The following GPC6 variants were observed in gnomAD, a reference collection of about 807,000 sequenced individuals.
The protein encoded by GPC6 is glypican 6, also known as glypican-6.
GPC6 carries 14 observed loss-of-function variants against 55.2 expected under a neutral mutation model. The ratio of observed to expected loss-of-function variants is 0.25; its 90% CI spans 0.17 to 0.40. The LOEUF is 0.40. GPC6 is among the 10% of genes least tolerant of loss of function. The pLI, the probability that GPC6 is intolerant of heterozygous loss-of-function variation, is 1.00. For synonymous variants in GPC6, 278 were observed against 259.6 expected (o/e 1.07, Z -0.68); for missense variants, 641 against 708.5 (o/e 0.90, Z 1.08).
intron 4 of GPC6, among the ~76,000 whole-genome samples, chr13:94,091,559 A>G (rs1885480163): frequency 6.6e-6 from 1 of 152,178 alleles, no homozygotes; most frequent in African/African-American, 2.4e-5. Flanking sequence ...AAGAAACCAC[A>G]CAACAAACTT....
intron 4 of GPC6, among the ~76,000 whole-genome samples, chr13:94,148,922 T>C (rs923128888): frequency 2.0e-5 from 3 of 151,938 alleles, no homozygotes; most frequent in Non-Finnish European, 4.4e-5. Context: ...TCAATGGAGA[T>C]GATATGTGAG....
intron 3 of GPC6, among the ~76,000 whole-genome samples, chr13:93,911,516 A>T (rs995725945): frequency 2.0e-5 from 3 of 152,182 alleles, no homozygotes; most frequent in Non-Finnish European, 4.4e-5. Context: ...TGATATTGAG[A>T]TATAAACAGG....
At chr13:93,443,758 T>C (rs1327051024) in intron 1 of GPC6, among the ~76,000 whole-genome samples, 1 of 152,202 alleles carries the variant, frequency 6.6e-6, no homozygotes, top group African/African-American at 2.4e-5. Flanking sequence ...AGGTTAGAAA[T>C]CTAGGACTGA....
At chr13:93,804,125 A>G (rs908259989) in intron 2 of GPC6, among the ~76,000 whole-genome samples, 1 of 152,176 alleles carries the variant, frequency 6.6e-6, no homozygotes, top group African/African-American at 2.4e-5. Flanking sequence ...AAGGCATAGC[A>G]TAAATTGATT....
intron 2 of GPC6, among the ~76,000 whole-genome samples, chr13:93,744,708 C>T (rs190889079): frequency 8.6e-5 from 13 of 151,112 alleles, no homozygotes; most frequent in East Asian, 3.9e-4. Flanking sequence ...GGGAGGCTGA[C>T]GCAGGTGGAT....
chr13:93,390,960 T>C (rs1478369352), intron 1 of GPC6, among the ~76,000 whole-genome samples: 1 of 152,012 alleles, frequency 6.6e-6, no homozygotes, highest in Non-Finnish European at 1.5e-5. Context: ...TGAGATCTTT[T>C]TGTGGCTACT....
chr13:93,470,543 G>A (rs1879073348), intron 1 of GPC6, among the ~76,000 whole-genome samples: 1 of 151,984 alleles, frequency 6.6e-6, no homozygotes, highest in African/African-American at 2.4e-5. Context: ...AGGATTTTTT[G>A]CACTTGTGTG....
intron 1 of GPC6, among the ~76,000 whole-genome samples, chr13:93,271,867 A>G (rs544102725): frequency 1.3e-5 from 2 of 152,292 alleles, no homozygotes; most frequent in Non-Finnish European, 2.9e-5. Context: ...AAATTTAATT[A>G]TAGTGCTTTT....
At chr13:94,198,435 T>A (rs1889649660) in intron 4 of GPC6, among the ~76,000 whole-genome samples, 1 of 152,180 alleles carries the variant, frequency 6.6e-6, no homozygotes, top group Non-Finnish European at 1.5e-5. Context: ...TTGGTAAAAT[T>A]AGCAAACAGA....
At chr13:93,362,787 C>T (rs7999261) in intron 1 of GPC6, among the ~76,000 whole-genome samples, 3,176 of 152,170 alleles carry the variant, frequency 0.021, 99 homozygotes, top group African/African-American at 0.072. Context: ...AACTGTGGTA[C>T]ATTTTGTCCT....
chr13:93,802,038 G>T (rs899315162), intron 2 of GPC6, among the ~76,000 whole-genome samples: 3 of 152,080 alleles, frequency 2.0e-5, no homozygotes, highest in Non-Finnish European at 4.4e-5. Context: ...CCCCCTTTGA[G>T]TAGGTATTTA....
At chr13:94,316,917 TC>T in intron 6 of GPC6, among the ~76,000 whole-genome samples, 1 of 152,344 alleles carries the variant, frequency 6.6e-6, no homozygotes, top group Middle Eastern at 3.4e-3. Flanking sequence ...CTGCAGCAAA[TC>T]AAATTGTTCT....
chr13:93,512,662 T>G (rs1404714765), intron 1 of GPC6, among the ~76,000 whole-genome samples: 2 of 152,098 alleles, frequency 1.3e-5, no homozygotes, highest in African/African-American at 4.8e-5. Flanking sequence ...ATCAGGGTGA[T>G]GCTGGCCTCA....
At chr13:93,842,861 T>G (rs568777036) in intron 3 of GPC6, among the ~76,000 whole-genome samples, 1 of 152,178 alleles carries the variant, frequency 6.6e-6, no homozygotes, top group South Asian at 2.1e-4. Flanking sequence ...AATCAATATG[T>G]GTGTTCATCT....
intron 2 of GPC6, among the ~76,000 whole-genome samples, chr13:93,695,778 AT>A (rs141809644): frequency 4.6e-5 from 7 of 152,260 alleles, no homozygotes; most frequent in Non-Finnish European, 1.0e-4. Flanking sequence ...GCTCAAAGGC[AT>A]TTTGGAGGTG....
At chr13:94,357,496 A>G (rs1878856139) in intron 6 of GPC6, among the ~76,000 whole-genome samples, 3 of 152,222 alleles carry the variant, frequency 2.0e-5, no homozygotes, top group African/African-American at 7.2e-5. Flanking sequence ...CCTGTAAGAT[A>G]CAGCGTGAAC....
chr13:93,489,018 TG>T (rs922224204), intron 1 of GPC6, among the ~76,000 whole-genome samples: 19 of 151,688 alleles, frequency 1.3e-4, no homozygotes, highest in African/African-American at 4.6e-4. Context: ...CCATTGCTCT[TG>T]GTGTTTTAGT....
chr13:94,133,860 G>A (rs1887092101), intron 4 of GPC6, among the ~76,000 whole-genome samples: 1 of 152,066 alleles, frequency 6.6e-6, no homozygotes, highest in Admixed American at 6.6e-5. Context: ...TAACAAAGGT[G>A]AGATATTCAT....
rs61543462 is a variant in GPC6 at position 94,251,713 on chromosome 13, CAA to C, written c.878-34626_878-34625del. The stretch of plus-strand genomic sequence containing the variant: ...AAAGTGTTCCTAGAAAGCTAAAAGG[CAA>C]AAAAAAAAACAAAAACAAAACAAAC... On this transcript the variant is annotated intron_variant, in intron 4 of 8. Coordinates refer to ENST00000377047, the MANE Select transcript of GPC6 (RefSeq NM_005708.5). Among the ~76,000 whole-genome samples, 305 of 131,188 alleles carry C rather than the reference CAA, an allele frequency of 2.3e-3. 1 individual carries two copies. The Middle Eastern group carries it at 0.024, about 10-fold the overall frequency. 86.1% of individuals were successfully genotyped at this position (131,188 alleles called of 152,430 possible).
Sources: allele counts gnomAD v4.1 joint callset (sites outside exome capture counted in the v4.1 genomes callset), GRCh38; gene constraint gnomAD v4.1.1; transcripts MANE v1.5; gene names NCBI Gene and HGNC (gene_info 2026-07-23, HGNC 2026-07-21).